The following RNF212B variants were observed in gnomAD, a reference collection of about 807,000 sequenced individuals.
The protein encoded by RNF212B is E3 ubiquitin-protein ligase RNF212B.
In RNF212B, 52 loss-of-function variants were observed where a neutral mutation model predicts 55.5. The observed-to-expected ratio is 0.94, with a 90% CI of 0.75 to 1.18. RNF212B has a LOEUF of 1.18. Among genes scored for constraint, RNF212B ranks in the 50% most tolerant of loss-of-function variants. The pLI, the probability that RNF212B is intolerant of heterozygous loss-of-function variation, is 0.00. For synonymous variants in RNF212B, 99 were observed against 121.4 expected (o/e 0.82, Z 1.21); for missense variants, 289 against 350.4 (o/e 0.82, Z 1.40).
At chr14:23,226,852 A>G (rs943410736) in intron 2 of RNF212B, among the ~76,000 whole-genome samples, 2 of 131,118 alleles carry the variant, frequency 1.5e-5, no homozygotes, top group Non-Finnish European at 3.1e-5. Context: ...TATGTTGCTC[A>G]GGCTGGTCTT....
Position 23,240,437 on chromosome 14 carries a change from T to C in RNF212B, c.92T>C (p.Val31Ala). The C allele has an allele frequency of 6.5e-7, 1 of 1,546,444 alleles. No homozygotes were observed. Among genetic ancestry groups the C allele is most frequent in the Non-Finnish European group, 8.7e-7 (1 of 1,143,326 alleles). Residue 31 changes from valine (V) to alanine (A), a missense_variant, in exon 2 of 15, where the codon GTG (valine) becomes GCG (alanine). Transcript: ENST00000430154. Reference sequence around the variant, plus strand: ...GGCCATATTTTCTGTAAAAAGTGTGTGACTCTGGGTGAGTGACTCAACTGT... The same window carrying C: ...GGCCATATTTTCTGTAAAAAGTGTGCGACTCTGGGTGAGTGACTCAACTGT... ...SCGHIFCKKC[V>A]TLEKCAVCGT...
At chr14:23,201,583 T>C (rs1879290500) in intron 2 of RNF212B, among the ~76,000 whole-genome samples, 1 of 152,184 alleles carries the variant, frequency 6.6e-6, no homozygotes, top group South Asian at 2.1e-4. Context: ...TAAGCCAAAT[T>C]ATATTATTTT....
rs552524172 is a variant in RNF212B at position 23,272,812 on chromosome 14, C to G, written c.835-11C>G. On this transcript the variant is annotated splice_polypyrimidine_tract_variant and intron_variant, in intron 14 of 14. Transcript: ENST00000430154. ...AAACACCCACATCTACCTTCTTGTC[C>G]TCTGCTGCAGACTCTCTACCAACAA... The G allele has an allele frequency of 1.0e-5, 16 of 1,543,410 alleles. No individual in the cohort carries two copies. The African/African-American group carries it at 2.2e-4, about 21-fold the overall frequency.
chr14:23,269,898 C>T lies in RNF212B; in HGVS notation c.710C>T (p.Ser237Phe). 6.5e-6 allele frequency: 10 copies of T among 1,549,266 alleles called. No individual in the cohort carries two copies. Among genetic ancestry groups the T allele is most frequent in the Non-Finnish European group, 8.7e-6 (10 of 1,146,070 alleles). Residue 237 changes from serine to phenylalanine, a missense_variant, in exon 13 of 15, where the codon TCT (serine) becomes TTT (phenylalanine). Physicochemically the swap from Ser to Phe is radical, Grantham distance 155 (BLOSUM62 -2). Transcript: ENST00000430154. ...GCCTCCTCTGGACAGGGGATTTTTTCTTTCAGACCATCCCCAAATGGGCAT... is the reference window on the plus strand; with the variant it reads ...GCCTCCTCTGGACAGGGGATTTTTTTTTTCAGACCATCCCCAAATGGGCAT... The part of the protein sequence containing the change: ...SSASSGQGIF[S>F]FRPSPNGHSG...
At chr14:23,243,765 T>C (rs982764114) in intron 3 of RNF212B, among the ~76,000 whole-genome samples, 10 of 110,954 alleles carry the variant, frequency 9.0e-5, no homozygotes, top group Non-Finnish European at 1.5e-4. Context: ...AACTTGCAGA[T>C]AGAAGTTTGT....
chr14:23,220,694 G>A (rs911268712), intron 2 of RNF212B, among the ~76,000 whole-genome samples: 8 of 151,538 alleles, frequency 5.3e-5, no homozygotes, highest in Non-Finnish European at 7.4e-5. Flanking sequence ...GCGTGGTGGC[G>A]GGCACCTGTA....
chr14:23,230,825 C>A (rs1474071246), intron 2 of RNF212B, among the ~76,000 whole-genome samples: 1 of 152,004 alleles, frequency 6.6e-6, no homozygotes, highest in African/African-American at 2.4e-5. Flanking sequence ...CAACTTTATT[C>A]TTTTGCATAT....
At chr14:23,253,037 A>G (rs1884530376) in intron 4 of RNF212B, among the ~76,000 whole-genome samples, 1 of 152,150 alleles carries the variant, frequency 6.6e-6, no homozygotes. Flanking sequence ...AACAATTATC[A>G]GTGAATGGCC....
At chr14:23,229,220 T>TTTTA (rs1183907201) in intron 2 of RNF212B, among the ~76,000 whole-genome samples, 356 of 64,902 alleles carry the variant, frequency 5.5e-3, no homozygotes, top group Non-Finnish European at 7.7e-3. Context: ...GAATAATATT[T>TTTTA]TATATATATA....
upstream of RNF212B, among the ~76,000 whole-genome samples, chr14:23,235,226 A>G (rs1594913167): frequency 6.8e-6 from 1 of 146,800 alleles, no homozygotes; most frequent in African/African-American, 2.5e-5. Flanking sequence ...AAAAAAAAAA[A>G]TAGCCAGGCA....
At chr14:23,209,817 C>T (rs559375826) in intron 2 of RNF212B, among the ~76,000 whole-genome samples, 2 of 152,116 alleles carry the variant, frequency 1.3e-5, no homozygotes, top group Admixed American at 1.3e-4. Flanking sequence ...ACCCCTGATA[C>T]AACATGATGA....
At chr14:23,230,641 G>A (rs1202383959) in intron 2 of RNF212B, among the ~76,000 whole-genome samples, 12 of 108,996 alleles carry the variant, frequency 1.1e-4, no homozygotes, top group Non-Finnish European at 1.9e-4. Context: ...ACGACAGAGC[G>A]AGACTCCATC....
intron 2 of RNF212B, among the ~76,000 whole-genome samples, chr14:23,224,827 TGA>T (rs1881868631): frequency 6.6e-6 from 1 of 152,114 alleles, no homozygotes; most frequent in Non-Finnish European, 1.5e-5. Flanking sequence ...ATCCACAGAA[TGA>T]GAGAATATAT....
intron 1 of RNF212B, among the ~76,000 whole-genome samples, chr14:23,188,870 A>G (rs1179325589): frequency 1.3e-5 from 2 of 152,190 alleles, no homozygotes; most frequent in East Asian, 3.8e-4. Flanking sequence ...GGCACTCAAT[A>G]AATATGATTG....
At chr14:23,232,452 G>A (rs554823944) in intron 2 of RNF212B, among the ~76,000 whole-genome samples, 11 of 112,332 alleles carry the variant, frequency 9.8e-5, no homozygotes, top group East Asian at 8.2e-4. Context: ...CCCGGCAGCC[G>A]CCCCGTCTGA....
intron 2 of RNF212B, among the ~76,000 whole-genome samples, chr14:23,226,130 T>A (rs1400934225): frequency 6.6e-6 from 1 of 150,544 alleles, no homozygotes; most frequent in Admixed American, 6.6e-5. Context: ...AAACCCCGTC[T>A]GTACTAAAAA....
chr14:23,221,340 T>G (rs2140406084), intron 2 of RNF212B, among the ~76,000 whole-genome samples: 1 of 150,646 alleles, frequency 6.6e-6, no homozygotes, highest in Non-Finnish European at 1.5e-5. Context: ...AGAGCAAGAA[T>G]AGCTATAGTT....
At chr14:23,225,190 C>T (rs1473054968) in intron 2 of RNF212B, among the ~76,000 whole-genome samples, 1 of 152,096 alleles carries the variant, frequency 6.6e-6, no homozygotes, top group Admixed American at 6.6e-5. Flanking sequence ...AGAGAGAGCC[C>T]TTGTACACTG....
chr14:23,212,139 G>A (rs1283844171), intron 2 of RNF212B, among the ~76,000 whole-genome samples: 2 of 152,224 alleles, frequency 1.3e-5, no homozygotes, highest in Non-Finnish European at 2.9e-5. Context: ...GAACATCCTT[G>A]AAAGGGCACT....
Sources: gnomAD v4.1 joint callset for allele counts (sites outside exome capture counted in the v4.1 genomes callset) on GRCh38, gnomAD v4.1.1 for gene constraint, MANE v1.5 for transcripts, NCBI Gene and HGNC (gene_info 2026-07-23, HGNC 2026-07-21) for gene names.